Variants in PTPRG observed in about 807,000 individuals in gnomAD.
PTPRG encodes receptor-type tyrosine-protein phosphatase gamma.
A neutral mutation model predicts 165.3 loss-of-function variants in PTPRG; 102 were observed. That is an observed-to-expected ratio of 0.62 (90% CI 0.53 to 0.73). PTPRG has a LOEUF of 0.73. PTPRG is among the 30% of genes least tolerant of loss of function. The pLI is 0.00. For synonymous variants in PTPRG, 675 were observed against 669.5 expected (o/e 1.01, Z -0.13); for missense variants, 1,866 against 1,861.4 (o/e 1.00, Z -0.05).
intron 16 of PTPRG, among the ~76,000 whole-genome samples, chr3:62,261,373 C>T (rs1044858297): frequency 6.6e-5 from 10 of 152,206 alleles, no homozygotes; most frequent in Non-Finnish European, 1.3e-4. Context: ...TAGCATTGCT[C>T]ATGTTCTTAC....
chr3:61,944,986 A>ATGCT (rs1206288297), intron 2 of PTPRG, among the ~76,000 whole-genome samples: 1 of 152,084 alleles, frequency 6.6e-6, no homozygotes, highest in Non-Finnish European at 1.5e-5. Flanking sequence ...AAAGAACGGA[A>ATGCT]TTCTATGCAA....
chr3:61,887,056 A>G lies in PTPRG; in HGVS notation c.191-102569A>G, dbSNP rs548596769. ...CCACTAGTAAGAGGAAACATCTCTTATTTTCTGATTGTTTTCCACTTAAGC... is the reference window on the plus strand; with the variant it reads ...CCACTAGTAAGAGGAAACATCTCTTGTTTTCTGATTGTTTTCCACTTAAGC... On this transcript the variant is annotated intron_variant, in intron 2 of 29. Coordinates refer to ENST00000474889, the MANE Select transcript of PTPRG (RefSeq NM_002841.4). Among the ~76,000 whole-genome samples the G allele has an allele frequency of 1.7e-3, 227 of 130,798 alleles. 1 individual carries two copies. Among genetic ancestry groups the G allele is most frequent in the African/African-American group, 5.7e-3 (206 of 36,240 alleles). The allele number at this position is 130,798 out of a possible 152,430, so 85.8% of individuals were successfully genotyped here. A position where few individuals can be genotyped will look rare whatever the true frequency, so the allele number is the denominator to read the frequency against.
intron 1 of PTPRG, among the ~76,000 whole-genome samples, chr3:61,709,405 C>T (rs1388358153): frequency 2.0e-5 from 3 of 152,104 alleles, no homozygotes; most frequent in Non-Finnish European, 4.4e-5. Flanking sequence ...ACGTCCACCT[C>T]CTAGATTCAA....
At chr3:61,862,262 C>T (rs1177764472) in intron 2 of PTPRG, among the ~76,000 whole-genome samples, 4 of 152,096 alleles carry the variant, frequency 2.6e-5, no homozygotes, top group South Asian at 2.1e-4. Flanking sequence ...GGTGGGGGAC[C>T]GCTGGTATAA....
intron 8 of PTPRG, among the ~76,000 whole-genome samples, chr3:62,179,572 C>G (rs1055426248): frequency 6.6e-6 from 1 of 152,224 alleles, no homozygotes; most frequent in African/African-American, 2.4e-5. Flanking sequence ...GGTTTTCACC[C>G]ACCAGCTGCT....
At chr3:61,701,744 A>G (rs992661900) in intron 1 of PTPRG, among the ~76,000 whole-genome samples, 10 of 152,118 alleles carry the variant, frequency 6.6e-5, no homozygotes, top group African/African-American at 2.4e-4. Flanking sequence ...TAAAAATAAA[A>G]AAATTATCCA....
At chr3:61,922,466 G>A (rs1433175541) in intron 2 of PTPRG, among the ~76,000 whole-genome samples, 2 of 152,200 alleles carry the variant, frequency 1.3e-5, no homozygotes, top group African/African-American at 4.8e-5. Context: ...ACTTGTGTAG[G>A]AATGTGTCTG....
At chr3:62,239,984 A>C (rs564756559) in intron 14 of PTPRG, among the ~76,000 whole-genome samples, 1 of 152,310 alleles carries the variant, frequency 6.6e-6, no homozygotes, top group Non-Finnish European at 1.5e-5. Flanking sequence ...GATCATGAAA[A>C]GCTGACAATA....
chr3:61,962,782 G>C (rs761812175), intron 2 of PTPRG, among the ~76,000 whole-genome samples: 46 of 152,144 alleles, frequency 3.0e-4, no homozygotes, highest in Admixed American at 5.2e-4. Flanking sequence ...ACACCAAAGA[G>C]AGCTGTTTAG....
intron 8 of PTPRG, among the ~76,000 whole-genome samples, chr3:62,173,889 G>A (rs1705316525): frequency 6.6e-6 from 1 of 152,130 alleles, no homozygotes; most frequent in South Asian, 2.1e-4. Flanking sequence ...CAAGAGGCAG[G>A]GCCCCTTAAG....
intron 2 of PTPRG, among the ~76,000 whole-genome samples, chr3:61,850,695 TTTA>T (rs2036941276): frequency 6.6e-6 from 1 of 152,224 alleles, no homozygotes; most frequent in South Asian, 2.1e-4. Context: ...TGTTTATATT[TTTA>T]TTGACATTAA....
At chr3:62,089,074 A>G (rs1448615384) in intron 5 of PTPRG, among the ~76,000 whole-genome samples, 13 of 152,204 alleles carry the variant, frequency 8.5e-5, no homozygotes, top group Admixed American at 1.3e-4. Context: ...TGTTTTCTCT[A>G]TCTACAGCAT....
intron 9 of PTPRG, among the ~76,000 whole-genome samples, chr3:62,194,082 A>G (rs1430426721): frequency 3.9e-5 from 6 of 152,188 alleles, no homozygotes. Context: ...TACATAGTAA[A>G]TATCTGAGGC....
At chr3:62,187,182 G>C (rs1699682657) in intron 8 of PTPRG, among the ~76,000 whole-genome samples, 1 of 152,232 alleles carries the variant, frequency 6.6e-6, no homozygotes, top group Non-Finnish European at 1.5e-5. Context: ...GATCGTCAAT[G>C]AAGTCAATAA....
chr3:61,686,631 T>C (rs1347382773), intron 1 of PTPRG, among the ~76,000 whole-genome samples: 1 of 152,200 alleles, frequency 6.6e-6, no homozygotes, highest in Admixed American at 6.5e-5. Flanking sequence ...TTTGAAAGGA[T>C]TGGAAATAAC....
At chr3:62,049,614 G>A (rs184061703) in intron 4 of PTPRG, among the ~76,000 whole-genome samples, 12 of 152,250 alleles carry the variant, frequency 7.9e-5, no homozygotes, top group African/African-American at 2.9e-4. Context: ...AAAGATGCTG[G>A]GTGGTAATTT....
rs116053234 is a variant in PTPRG at position 61,661,384 on chromosome 3, T to G, written c.86-87494T>G. Among the ~76,000 whole-genome samples the G allele has an allele frequency of 5.8e-3, 883 of 152,264 alleles. 11 individuals are homozygous for G. The highest frequency in any genetic ancestry group is 0.021 in the African/African-American group (854 of 41,562). ...GAGTGAAGGAATAGCAAACCTTGAC[T>G]GTGGTGAATATCTTATTTCTCCTTT... On this transcript the variant is annotated intron_variant, in intron 1 of 29. Coordinates refer to ENST00000474889, the MANE Select transcript of PTPRG (RefSeq NM_002841.4).
intron 2 of PTPRG, among the ~76,000 whole-genome samples, chr3:61,832,039 T>G (rs1296153101): frequency 6.6e-6 from 1 of 152,242 alleles, no homozygotes; most frequent in Non-Finnish European, 1.5e-5. Flanking sequence ...ATTTATACAT[T>G]TGTATCTTAT....
At chr3:61,611,236 G>A (rs1483648889) in intron 1 of PTPRG, among the ~76,000 whole-genome samples, 3 of 152,160 alleles carry the variant, frequency 2.0e-5, no homozygotes, top group Non-Finnish European at 4.4e-5. Flanking sequence ...ATACCGCTGT[G>A]ACTTTATCAG....
Sources: gnomAD v4.1 joint callset for allele counts (sites outside exome capture counted in the v4.1 genomes callset) on GRCh38, gnomAD v4.1.1 for gene constraint, MANE v1.5 for transcripts, NCBI Gene and HGNC (gene_info 2026-07-23, HGNC 2026-07-21) for gene names.